NSD2: variants seen among roughly 807,000 people sequenced by gnomAD.
NSD2 encodes the protein nuclear receptor binding SET domain protein 2, also known as histone-lysine N-methyltransferase NSD2.
In NSD2, 12 loss-of-function variants were observed where a neutral mutation model predicts 139.0. The observed-to-expected ratio is 0.09, with a 90% CI of 0.06 to 0.14. The LOEUF (loss-of-function observed/expected upper bound fraction) is 0.14. Ranked by LOEUF, NSD2 falls within the 10% of genes least tolerant of loss-of-function variation. The pLI is 1.00. For missense variants in NSD2, 1,155 were observed against 1,745.0 expected (o/e 0.66, Z 6.02); for synonymous variants, 669 against 648.7 (o/e 1.03, Z -0.48).
chr4:1,966,573 C>T (rs1725908649), intron 18 of NSD2, among the ~76,000 whole-genome samples: 1 of 150,524 alleles, frequency 6.6e-6, no homozygotes, highest in Non-Finnish European at 1.5e-5. Flanking sequence ...AGGAGAATGG[C>T]GTGAACCCGG....
At chr4:1,873,373 G>T (rs1020841946) in intron 1 of NSD2, among the ~76,000 whole-genome samples, 1 of 152,162 alleles carries the variant, frequency 6.6e-6, no homozygotes, top group Non-Finnish European at 1.5e-5. Context: ...GTATCTATTC[G>T]TATGTAACAT....
intron 9 of NSD2, chr4:1,945,815 C>T (rs529995829): frequency 3.8e-6 from 4 of 1,063,924 alleles, no homozygotes; most frequent in African/African-American, 1.6e-5. Context: ...GGATTCCCCT[C>T]GCTGGAGAGG....
intron 6 of NSD2, among the ~76,000 whole-genome samples, chr4:1,932,264 C>T (rs1254716706): frequency 4.6e-5 from 7 of 151,716 alleles, no homozygotes; most frequent in African/African-American, 1.2e-4. Context: ...TGGTGAAACC[C>T]CATCTCTACT....
At chr4:1,970,806 T>C (rs956557884) in intron 18 of NSD2, among the ~76,000 whole-genome samples, 2 of 152,132 alleles carry the variant, frequency 1.3e-5, no homozygotes, top group African/African-American at 4.8e-5. Context: ...GCATGCAGGC[T>C]GACGGGTCAC....
chr4:1,913,440 C>T (rs1718948770), intron 3 of NSD2, among the ~76,000 whole-genome samples: 2 of 152,280 alleles, frequency 1.3e-5, no homozygotes, highest in South Asian at 4.1e-4. Flanking sequence ...AACCGTCTCC[C>T]TGTGATGCTG....
chr4:1,971,166 C>T (rs555617924), intron 18 of NSD2, among the ~76,000 whole-genome samples: 12 of 152,186 alleles, frequency 7.9e-5, no homozygotes, highest in African/African-American at 2.9e-4. Context: ...CGAGACCAGC[C>T]TGGGCAACAT....
At chr4:1,952,999 A>G in intron 11 of NSD2, 1 of 1,437,848 alleles carries the variant, frequency 7.0e-7, no homozygotes, top group South Asian at 1.5e-5. Flanking sequence ...AGCTGCTCTC[A>G]AGGAGGAAAG....
At chr4:1,971,285 T>C (rs1305509697) in intron 18 of NSD2, among the ~76,000 whole-genome samples, 1 of 152,110 alleles carries the variant, frequency 6.6e-6, no homozygotes, top group Non-Finnish European at 1.5e-5. Flanking sequence ...CCTACCACTT[T>C]CAGTGACACA....
chr4:1,915,260 C>T (rs62287002), intron 3 of NSD2, among the ~76,000 whole-genome samples: 1,598 of 151,722 alleles, frequency 0.011, 21 homozygotes, highest in Middle Eastern at 0.014. Context: ...AGGCTACAGG[C>T]GCCCACCACC....
intron 17 of NSD2, among the ~76,000 whole-genome samples, chr4:1,960,302 G>A (rs1577549397): frequency 6.6e-6 from 1 of 152,342 alleles, no homozygotes; most frequent in East Asian, 1.9e-4. Flanking sequence ...GAAGATCTGT[G>A]AAGTGACCCA....
Position 1,938,490 on chromosome 4 carries a change from T to C in NSD2, c.1714T>C (p.Tyr572His). The part of the protein sequence containing the change: ...ITDKTARTSS[Y>H]KAMEAASSLK... ...TGACAAAACGGCCAGAACAAGCTCTTACAAGGCCATGGAGGCAGCCTCCTC... is the reference window on the plus strand; with the variant it reads ...TGACAAAACGGCCAGAACAAGCTCTCACAAGGCCATGGAGGCAGCCTCCTC... Residue 572 changes from tyrosine (Y) to histidine (H), a missense_variant, in exon 8 of 22, where the codon TAC (tyrosine) becomes CAC (histidine). This residue lies in a region of NSD2 where 420 missense variants were observed against 469.0 expected (regional missense o/e 0.90). Transcript: ENST00000508803. 4.6e-6 allele frequency: 7 copies of C among 1,517,324 alleles called. No individual in the cohort carries two copies. The highest frequency in any genetic ancestry group is 6.3e-6 in the Non-Finnish European group (7 of 1,119,776). The allele number at this position is 1,517,324 out of a possible 1,614,324, so 94.0% of individuals were successfully genotyped here.
chr4:1,931,500 C>T lies in NSD2; in HGVS notation c.1555+730C>T, dbSNP rs552597324. Among the ~76,000 whole-genome samples the T allele has an allele frequency of 2.0e-5, 3 of 151,816 alleles. No individual in the cohort carries two copies. The East Asian group carries it at 5.8e-4, about 29-fold the overall frequency. On this transcript the variant is annotated intron_variant, in intron 6 of 21. Coordinates refer to ENST00000508803, the MANE Select transcript of NSD2 (RefSeq NM_001042424.3). Reference sequence around the variant, plus strand: ...GAGATTTGAATGTAAAAATAACTGACATATTAGGGTATCAATTTAAAATTA... The same window carrying T: ...GAGATTTGAATGTAAAAATAACTGATATATTAGGGTATCAATTTAAAATTA...
intron 11 of NSD2, chr4:1,952,801 G>A: frequency 8.6e-7 from 1 of 1,165,732 alleles, no homozygotes; most frequent in Admixed American, 4.3e-5. Flanking sequence ...GAGGACACCT[G>A]CACAGCCGTG....
In NSD2 at chr4:1,904,391, T is replaced by G. The variant is rs1489808883; in HGVS notation, c.760+13T>G. On this transcript the variant is annotated intron_variant, in intron 3 of 21. Transcript: ENST00000508803. ...ACCAAACTTAAAGGTATTGTGTTCT[T>G]TGGGTTGTTTTTCCAACTTTCTCTT... 1.3e-6 allele frequency: 2 copies of G among 1,591,946 alleles called. No homozygotes were observed. Among genetic ancestry groups the G allele is most frequent in the Non-Finnish European group, 1.7e-6 (2 of 1,167,426 alleles).
intron 9 of NSD2, chr4:1,947,133 G>A (rs957166506): frequency 1.9e-6 from 2 of 1,064,990 alleles, no homozygotes; most frequent in East Asian, 5.0e-5. Flanking sequence ...ACAGTGCACA[G>A]CCTGCTGTCT....
Position 1,975,226 on chromosome 4 carries a change from C to G in NSD2, c.3515-68C>G, listed in dbSNP as rs542285903. 10 of 1,506,924 alleles carry G rather than the reference C, an allele frequency of 6.6e-6. No individual in the cohort carries two copies. In the East Asian group the frequency reaches 2.0e-4, roughly 31 times the overall value. The allele number at this position is 1,506,924 out of a possible 1,614,324, so 93.3% of individuals were successfully genotyped here. On this transcript the variant is annotated intron_variant, in intron 19 of 21. Transcript: ENST00000508803. ...TAAGAGTATTTTTGTTGACCTAATA[C>G]ACGCCCCTTAGCTTTTGAAGAGAAA...
At position 1,958,150 on chromosome 4, in the gene NSD2, T is replaced by A; in HGVS notation, c.2985+114T>A. The A allele has an allele frequency of 1.9e-6, 2 of 1,052,316 alleles. No homozygotes were observed. The highest frequency in any genetic ancestry group is 4.9e-5 in the East Asian group (2 of 40,984). The allele number at this position is 1,052,316 out of a possible 1,614,324, so 65.2% of individuals were successfully genotyped here. A position where few individuals can be genotyped will look rare whatever the true frequency, so the allele number is the denominator to read the frequency against. On this transcript the variant is annotated intron_variant, in intron 16 of 21. Coordinates refer to ENST00000508803, the MANE Select transcript of NSD2 (RefSeq NM_001042424.3). The surrounding 1 kb of genome is among the most constrained non-coding windows in gnomAD (Gnocchi z 4.6). ...GGGAGAGGACTGTCACCAGCCAGGA[T>A]CTGTGGTGCCTGGCATGGATGGCCA... is the stretch of plus-strand genomic sequence containing the variant.
chr4:1,976,284 CT>C lies in NSD2; in HGVS notation c.3622-186del. 1 of 633,778 alleles carries C rather than the reference CT, an allele frequency of 1.6e-6. No homozygotes were observed. Among genetic ancestry groups the C allele is most frequent in the Non-Finnish European group, 2.7e-6 (1 of 364,156 alleles). 39.3% of individuals were successfully genotyped at this position (633,778 alleles called of 1,614,324 possible). A position where few individuals can be genotyped will look rare whatever the true frequency, so the allele number is the denominator to read the frequency against. On this transcript the variant is annotated intron_variant, in intron 20 of 21. Coordinates refer to ENST00000508803, the MANE Select transcript of NSD2 (RefSeq NM_001042424.3). This position sits in a 1 kb window ranked among gnomAD's most constrained non-coding sequence, Gnocchi z 5.3. ...CACTCTAGTCGTAGTCTTTGTTCAG[CT>C]TTTTCACGCTGAGTCGAGTGAGTCT...
chr4:1,974,816 A>G lies in NSD2; in HGVS notation c.3373-47A>G, dbSNP rs1726900985. On this transcript the variant is annotated intron_variant, in intron 18 of 21. Transcript: ENST00000508803. This position sits in a 1 kb window ranked among gnomAD's most constrained non-coding sequence, Gnocchi z 4.0. ...ATGGTGAAAATTCCCTTTAAAAATA[A>G]CATGCGATTGCTAACACTTGACCGA... The G allele has an allele frequency of 1.2e-6, 2 of 1,610,084 alleles. No individual in the cohort carries two copies. Among genetic ancestry groups the G allele is most frequent in the African/African-American group, 2.7e-5 (2 of 74,814 alleles).
Sources: allele counts gnomAD v4.1 joint callset (sites outside exome capture counted in the v4.1 genomes callset), GRCh38; gene constraint gnomAD v4.1.1; regional missense constraint gnomAD v4.1.1; non-coding constraint Gnocchi (gnomAD v3.1); transcripts MANE v1.5; gene names NCBI Gene and HGNC (gene_info 2026-07-23, HGNC 2026-07-21).